Variants in KHK observed in about 807,000 individuals in gnomAD.
The protein encoded by KHK is ketohexokinase, also known as fructokinase.
KHK carries 37 observed loss-of-function variants against 36.0 expected under a neutral mutation model. That is an observed-to-expected ratio of 1.03 (90% CI 0.79 to 1.35). The LOEUF is 1.35. Ranked by LOEUF, KHK falls within the 40% of genes most tolerant of loss-of-function variation. The pLI, the probability that KHK is intolerant of heterozygous loss-of-function variation, is 0.00. For missense variants in KHK, 395 were observed against 391.9 expected, an observed-to-expected ratio of 1.01 and a Z score of -0.07; for synonymous variants, 161 against 162.8, an observed-to-expected ratio of 0.99 and a Z score of 0.08.
At chr2:27,092,214 C>T (rs1323419896) in intron 1 of KHK, 118 bp from the exon 2 acceptor site, 7 of 851,174 alleles carry the variant, frequency 8.2e-6, no homozygotes, top group South Asian at 4.0e-5. Flanking sequence ...AGTGAGACGT[C>T]GGCCTAGATG....
Position 27,086,805 on chromosome 2 carries a change from C to G in KHK, c.-455C>G, listed in dbSNP as rs1270092482. 1.3e-5 allele frequency: 2 copies of G among 154,020 alleles called. No homozygotes were observed. The highest frequency in any genetic ancestry group is 1.3e-4 in the Admixed American group (2 of 15,414). 9.5% of individuals were successfully genotyped at this position (154,020 alleles called of 1,614,324 possible). ...CTGCAGATGCGAGGCCCAGCTGTAC[C>G]TCGCGTGTCCCGGGTCGGGAGTCGG... On this transcript the variant is annotated 5_prime_UTR_variant, in exon 1 of 8. Transcript: ENST00000260598.
At chr2:27,094,279 T>C in intron 2 of KHK, 1 of 672,042 alleles carries the variant, frequency 1.5e-6, no homozygotes, top group African/African-American at 1.8e-5. Flanking sequence ...TGTTTCTCTC[T>C]CTGAGCTCCA....
Position 27,092,397 on chromosome 2 carries a change from T to G in KHK, c.158T>G (p.Leu53Arg). ...AACTCCTGCACCGTTCTCTCCCTGC[T>G]CGGAGCCCCCTGTGCCTTCATGGGC... ...ASNSCTVLSL[L>R]GAPCAFMGSM... is the part of the protein sequence containing the mutation. Residue 53 changes from leucine to arginine, a missense_variant, in exon 2 of 8, where the codon CTC (leucine) becomes CGC (arginine). Physicochemically the swap from Leu to Arg is moderately radical, Grantham distance 102 (BLOSUM62 -2). Coordinates refer to ENST00000260598, the MANE Select transcript of KHK (RefSeq NM_006488.3). The G allele has an allele frequency of 6.2e-7, 1 of 1,613,676 alleles. No individual in the cohort carries two copies. The highest frequency in any genetic ancestry group is 8.5e-7 in the Non-Finnish European group (1 of 1,180,022).
At chr2:27,089,768 C>T (rs952180980) in intron 1 of KHK, among the ~76,000 whole-genome samples, 2 of 152,218 alleles carry the variant, frequency 1.3e-5, no homozygotes, top group Non-Finnish European at 2.9e-5. Context: ...TCAGCCCCAC[C>T]TGTCCTAGGG....
intron 2 of KHK, chr2:27,094,424 T>C: frequency 1.2e-6 from 2 of 1,607,922 alleles, no homozygotes; most frequent in Non-Finnish European, 1.7e-6. Flanking sequence ...TACCCTCCAG[T>C]CCCCAAAACC....
At chr2:27,091,932 C>G (rs1670032475) in intron 1 of KHK, among the ~76,000 whole-genome samples, 2 of 152,004 alleles carry the variant, frequency 1.3e-5, no homozygotes, top group African/African-American at 4.8e-5. Flanking sequence ...TCCCCGAGGT[C>G]CTTGGAGTTG....
In KHK at chr2:27,099,493, G is replaced by A. The variant is rs1670650131; in HGVS notation, c.727G>A (p.Asp243Asn). 5 of 1,614,168 alleles carry A rather than the reference G, an allele frequency of 3.1e-6. No individual in the cohort carries two copies. The highest frequency in any genetic ancestry group is 2.2e-5 in the East Asian group (1 of 44,886). The change falls in exon 7 of 8, where the codon GAT (aspartate) becomes AAT (asparagine). Residue 243 changes from aspartate (D) to asparagine (N), a missense_variant. Transcript: ENST00000260598. ...LGPDGKLLHS[D>N]AFPPPRVVDT... ...CCCTGATGGCAAATTGCTCCACTCG[G>A]ATGCTTTCCCGCCACCCCGCGTGGT... is the stretch of plus-strand genomic sequence containing the variant.
In KHK at chr2:27,099,768, T is replaced by G. The variant is rs374393330; in HGVS notation, c.*18T>G. The G allele has an allele frequency of 1.9e-5, 31 of 1,612,604 alleles. No homozygotes were observed. The highest frequency in any genetic ancestry group is 2.7e-5 in the African/African-American group (2 of 74,892). Reference sequence around the variant, plus strand: ...TCGTGTGAGAGCAGGTGCCGGCTCCTCACACACCATGGAGACTACCATTGC... The same window carrying G: ...TCGTGTGAGAGCAGGTGCCGGCTCCGCACACACCATGGAGACTACCATTGC... On this transcript the variant is annotated 3_prime_UTR_variant, in exon 8 of 8. Transcript: ENST00000260598.
Position 27,100,124 on chromosome 2 carries a change from C to A in KHK, c.*374C>A. ...CTAGAGCAGCGAGAAGTGCCCTGGG[C>A]TTGCCACCAGCTCTGCCCTGGCTGG... is the stretch of plus-strand genomic sequence containing the variant. On this transcript the variant is annotated 3_prime_UTR_variant, in exon 8 of 8. Coordinates refer to ENST00000260598, the MANE Select transcript of KHK (RefSeq NM_006488.3). The A allele has an allele frequency of 1.8e-6, 1 of 549,436 alleles. No individual in the cohort carries two copies. Among genetic ancestry groups the A allele is most frequent in the Admixed American group, 3.1e-5 (1 of 31,998 alleles). The allele number at this position is 549,436 out of a possible 1,614,324, so 34.0% of individuals were successfully genotyped here.
At chr2:27,089,200 C>G (rs900913227) in intron 1 of KHK, among the ~76,000 whole-genome samples, 1 of 152,162 alleles carries the variant, frequency 6.6e-6, no homozygotes, top group Middle Eastern at 3.2e-3. Context: ...TCTGTCATCT[C>G]CTGTATACCC....
intron 1 of KHK, among the ~76,000 whole-genome samples, chr2:27,088,332 C>T (rs531784546): frequency 1.3e-5 from 2 of 152,134 alleles, no homozygotes; most frequent in East Asian, 3.9e-4. Flanking sequence ...GTCTTGAGCT[C>T]CTGGGCTCAA....
chr2:27,087,085 G>A lies in KHK; in HGVS notation c.-175G>A, dbSNP rs1669701053. The A allele has an allele frequency of 1.7e-6, 1 of 589,326 alleles. No homozygotes were observed. Among genetic ancestry groups the A allele is most frequent in the Non-Finnish European group, 3.0e-6 (1 of 329,218 alleles). 36.5% of individuals were successfully genotyped at this position (589,326 alleles called of 1,614,324 possible). A position where few individuals can be genotyped will look rare whatever the true frequency, so the allele number is the denominator to read the frequency against. ...TTCGGGTGTCGCGAGGAAGGGCCCT[G>A]CTCCTTTCGTTCCCTGCACCCCTGG... On this transcript the variant is annotated 5_prime_UTR_variant, in exon 1 of 8. Transcript: ENST00000260598.
At position 27,092,367 on chromosome 2, in the gene KHK, C is replaced by T. The variant is rs773093592; in HGVS notation, c.128C>T (p.Ala43Val). 47 of 1,613,412 alleles carry T rather than the reference C, an allele frequency of 2.9e-5. 1 individual carries two copies. Among genetic ancestry groups the T allele is most frequent in the South Asian group, 1.2e-4 (11 of 91,092 alleles). The change falls in exon 2 of 8, where the codon GCG becomes GTG. Residue 43 changes from alanine (A) to valine (V), a missense_variant. Ala to Val is a moderately conservative substitution (Grantham distance 64). Coordinates refer to ENST00000260598, the MANE Select transcript of KHK (RefSeq NM_006488.3). ...CAGAGATGGCAGCGCGGAGGCAACG[C>T]GTCCAACTCCTGCACCGTTCTCTCC... Reference protein sequence around the residue: ...LSQRWQRGGNASNSCTVLSLL... With the variant: ...LSQRWQRGGNVSNSCTVLSLL...
intron 1 of KHK, among the ~76,000 whole-genome samples, chr2:27,091,206 G>T (rs893069093): frequency 6.6e-6 from 1 of 152,050 alleles, no homozygotes; most frequent in Non-Finnish European, 1.5e-5. Context: ...TCAGCCTCCT[G>T]AGTAGCTGGG....
At chr2:27,097,284 C>G (rs1276286893) in intron 4 of KHK, among the ~76,000 whole-genome samples, 10 of 152,206 alleles carry the variant, frequency 6.6e-5, no homozygotes, top group Non-Finnish European at 1.5e-4. Flanking sequence ...TTCACAGTAT[C>G]TTTTATTCTT....
At chr2:27,094,037 G>A (rs750888186) in intron 2 of KHK, among the ~76,000 whole-genome samples, 5 of 152,188 alleles carry the variant, frequency 3.3e-5, no homozygotes, top group Non-Finnish European at 7.4e-5. Context: ...ATGAGCTTGT[G>A]GAGGACAGCT....
intron 3 of KHK, 126 bp from the exon 4 acceptor site, chr2:27,096,603 G>C: frequency 1.3e-6 from 1 of 792,806 alleles, no homozygotes; most frequent in Non-Finnish European, 2.2e-6. Flanking sequence ...CCTGTGCTGT[G>C]GATCCAGCTT....
chr2:27,094,748 G>A (rs200737810), intron 2 of KHK, 52 bp from the exon 3 acceptor site: 3 of 1,613,920 alleles, frequency 1.9e-6, no homozygotes, highest in Middle Eastern at 3.3e-4. Context: ...ACCACTTCCA[G>A]GCTCTAATCT....
intron 3 of KHK, 73 bp downstream of exon 3, chr2:27,095,007 A>C: frequency 6.4e-7 from 1 of 1,563,646 alleles, no homozygotes; most frequent in African/African-American, 1.4e-5. Context: ...ACTCGCCACC[A>C]TGGGCATCCC....
Sources: allele counts gnomAD v4.1 joint callset (sites outside exome capture counted in the v4.1 genomes callset), GRCh38; gene constraint gnomAD v4.1.1; transcripts MANE v1.5; gene names NCBI Gene and HGNC (gene_info 2026-07-23, HGNC 2026-07-21).